Variants in SDK1 observed in about 807,000 individuals in gnomAD.
The protein encoded by SDK1 is sidekick cell adhesion molecule 1.
A neutral mutation model predicts 245.5 loss-of-function variants in SDK1; 157 were observed. The ratio of observed to expected loss-of-function variants is 0.64; its 90% CI spans 0.56 to 0.73. The LOEUF is 0.73. Among genes scored for constraint, SDK1 ranks in the 30% least tolerant of loss-of-function variants. The pLI, the probability that SDK1 is intolerant of heterozygous loss-of-function variation, is 0.00. For missense variants in SDK1, 3,583 were observed against 3,002.3 expected (o/e 1.19, Z -4.52); for synonymous variants, 1,647 against 1,278.5 (o/e 1.29, Z -6.15).
chr7:3,847,119 T>C (rs79079363), intron 5 of SDK1, among the ~76,000 whole-genome samples: 5 of 152,070 alleles, frequency 3.3e-5, no homozygotes, highest in African/African-American at 1.2e-4. Flanking sequence ...CCTCCAGCTC[T>C]TCTCTGTTCA....
At chr7:3,505,867 C>G (rs1782376169) in intron 1 of SDK1, among the ~76,000 whole-genome samples, 1 of 152,146 alleles carries the variant, frequency 6.6e-6, no homozygotes, top group Non-Finnish European at 1.5e-5. Flanking sequence ...AACCAATCCC[C>G]TTTGAATACC....
intron 4 of SDK1, among the ~76,000 whole-genome samples, chr7:3,648,618 A>T (rs886519479): frequency 1.3e-5 from 2 of 152,226 alleles, no homozygotes; most frequent in Admixed American, 1.3e-4. Flanking sequence ...GATTTGTTTA[A>T]ATTAGCGCTT....
intron 1 of SDK1, among the ~76,000 whole-genome samples, chr7:3,357,821 A>T (rs550619040): frequency 6.6e-6 from 1 of 152,142 alleles, no homozygotes; most frequent in African/African-American, 2.4e-5. Context: ...TTTCTTTGCT[A>T]TTGGATTCAT....
chr7:3,906,086 A>G (rs1444035492), intron 5 of SDK1, among the ~76,000 whole-genome samples: 1 of 151,844 alleles, frequency 6.6e-6, no homozygotes, highest in Non-Finnish European at 1.5e-5. Flanking sequence ...CATTCTGGAA[A>G]CTTTCCTCAA....
chr7:3,698,336 G>C (rs1024000645), intron 4 of SDK1, among the ~76,000 whole-genome samples: 1 of 152,164 alleles, frequency 6.6e-6, no homozygotes, highest in Non-Finnish European at 1.5e-5. Flanking sequence ...CCTCGGTGTG[G>C]TCACGCGTTC....
intron 43 of SDK1, among the ~76,000 whole-genome samples, chr7:4,242,780 C>T (rs920663540): frequency 9.1e-4 from 138 of 152,330 alleles, no homozygotes; most frequent in African/African-American, 3.2e-3. Flanking sequence ...TTCCTCTTCC[C>T]TTTACTGTTT....
chr7:3,593,285 C>T (rs895440247), intron 1 of SDK1, among the ~76,000 whole-genome samples: 20 of 152,112 alleles, frequency 1.3e-4, no homozygotes, highest in African/African-American at 4.6e-4. Flanking sequence ...CCCTGTGCTT[C>T]CCTTTCTGGT....
At chr7:3,741,014 G>T (rs1267800280) in intron 4 of SDK1, among the ~76,000 whole-genome samples, 1 of 152,202 alleles carries the variant, frequency 6.6e-6, no homozygotes, top group Non-Finnish European at 1.5e-5. Context: ...ACCTATCCTT[G>T]TGATTAATCT....
chr7:3,990,234 C>T (rs185608364), intron 14 of SDK1, among the ~76,000 whole-genome samples: 234 of 152,378 alleles, frequency 1.5e-3, no homozygotes, highest in African/African-American at 5.4e-3. Flanking sequence ...ACCTTCCAGT[C>T]CTGGGCACCA....
chr7:3,953,314 A>G (rs1274405481), intron 7 of SDK1, among the ~76,000 whole-genome samples: 1 of 152,192 alleles, frequency 6.6e-6, no homozygotes, highest in African/African-American at 2.4e-5. Context: ...TCTAAATACA[A>G]TGCAGTGCAA....
Position 4,110,670 on chromosome 7 carries a change from C to T in SDK1, c.3332C>T (p.Ala1111Val). The T allele has an allele frequency of 6.2e-7, 1 of 1,611,600 alleles. No homozygotes were observed. Among genetic ancestry groups the T allele is most frequent in the Non-Finnish European group, 8.5e-7 (1 of 1,178,166 alleles). The change falls in exon 23 of 45, where the codon GCT (alanine) becomes GTT (valine). Residue 1111 changes from alanine (A) to valine (V), a missense_variant. Transcript: ENST00000404826. ...SRWIVEGQVGAIGDEEEWVTL... is the reference protein window; with the variant it reads ...SRWIVEGQVGVIGDEEEWVTL... ...GTGTCTCCCTCTGCACAGGTGGGAG[C>T]TATCGGCGACGAGGAGGAGTGGGTC...
Position 3,524,375 on chromosome 7 carries a change from G to T in SDK1, c.299-94705G>T, listed in dbSNP as rs189913328. Reference sequence around the variant, plus strand: ...AGATGGTGGCAAGGATGGAAGCGGGGAGATCAATTAGGGGGCTGTTTAAAT... The same window carrying T: ...AGATGGTGGCAAGGATGGAAGCGGGTAGATCAATTAGGGGGCTGTTTAAAT... On this transcript the variant is annotated intron_variant, in intron 1 of 44. Transcript: ENST00000404826. 2.6e-5 allele frequency among the ~76,000 whole-genome samples: 4 copies of T among 152,280 alleles called. 1 individual carries two copies. The highest frequency in any genetic ancestry group is 5.9e-5 in the Non-Finnish European group (4 of 68,022).
intron 1 of SDK1, among the ~76,000 whole-genome samples, chr7:3,321,153 AAATCTT>A (rs1779792678): frequency 6.6e-6 from 1 of 152,224 alleles, no homozygotes; most frequent in African/African-American, 2.4e-5. Context: ...ACGTGAAATA[AAATCTT>A]TTTGAAACTA....
intron 4 of SDK1, among the ~76,000 whole-genome samples, chr7:3,692,442 A>G (rs148540625): frequency 0.01 from 1,534 of 152,254 alleles, 29 homozygotes; most frequent in African/African-American, 0.035. Context: ...TCTTTAAATG[A>G]TCATTAAACA....
chr7:4,187,238 T>A (rs610647), intron 35 of SDK1, among the ~76,000 whole-genome samples: 69,831 of 151,990 alleles, frequency 0.46, 17,500 homozygotes, highest in Middle Eastern at 0.66. Flanking sequence ...ACCTCCATAG[T>A]TAACCCACGG....
intron 20 of SDK1, among the ~76,000 whole-genome samples, chr7:4,074,810 C>T (rs916892024): frequency 6.8e-6 from 1 of 146,188 alleles, no homozygotes; most frequent in Non-Finnish European, 1.5e-5. Flanking sequence ...TTGCAGTGAG[C>T]CGTGATCACC....
intron 1 of SDK1, among the ~76,000 whole-genome samples, chr7:3,416,866 A>G (rs994670064): frequency 6.6e-6 from 1 of 152,118 alleles, no homozygotes; most frequent in South Asian, 2.1e-4. Flanking sequence ...GTTAGAACCT[A>G]GAAAGTGATA....
intron 5 of SDK1, among the ~76,000 whole-genome samples, chr7:3,905,020 A>T (rs1463388640): frequency 6.6e-6 from 1 of 151,726 alleles, no homozygotes; most frequent in Non-Finnish European, 1.5e-5. Context: ...TAATAATAAT[A>T]AAACCTACTT....
At chr7:4,195,913 A>G (rs1266538020) in intron 35 of SDK1, among the ~76,000 whole-genome samples, 1 of 152,140 alleles carries the variant, frequency 6.6e-6, no homozygotes, top group Non-Finnish European at 1.5e-5. Flanking sequence ...AATCCATGAC[A>G]GAAACCCCAG....
Sources: gnomAD v4.1 joint callset for allele counts (sites outside exome capture counted in the v4.1 genomes callset) on GRCh38, gnomAD v4.1.1 for gene constraint, MANE v1.5 for transcripts, NCBI Gene and HGNC (gene_info 2026-07-23, HGNC 2026-07-21) for gene names.